Variants in NELL1 observed in about 807,000 individuals in gnomAD.
NELL1 encodes protein kinase C-binding protein NELL1.
NELL1 carries 76 observed loss-of-function variants against 107.4 expected under a neutral mutation model. The ratio of observed to expected loss-of-function variants is 0.71; its 90% CI spans 0.59 to 0.86. The LOEUF is 0.86. Ranked by LOEUF, NELL1 falls within the 40% of genes least tolerant of loss-of-function variation. The probability of loss-of-function intolerance (pLI) is 0.00; values close to 1 mark genes in which losing one functional copy is unlikely to be tolerated. For missense variants in NELL1, 1,024 were observed against 1,005.5 expected (o/e 1.02, Z -0.25); for synonymous variants, 353 against 341.2 (o/e 1.03, Z -0.38).
chr11:20,857,780 C>G (rs1177594484), intron 4 of NELL1, among the ~76,000 whole-genome samples: 1 of 152,188 alleles, frequency 6.6e-6, no homozygotes, highest in African/African-American at 2.4e-5. Flanking sequence ...TCAGCAGACA[C>G]AAGCCCTACG....
In NELL1 at chr11:20,669,652, G is replaced by A. The variant is rs1215550292; in HGVS notation, c.-72G>A. Reference sequence around the variant, plus strand: ...AGTTTGGCGGCTCCAAGCCAGGCGCGCCTCAGGATCCAGGCTCATTTGCTT... The same window carrying A: ...AGTTTGGCGGCTCCAAGCCAGGCGCACCTCAGGATCCAGGCTCATTTGCTT... On this transcript the variant is annotated 5_prime_UTR_variant, in exon 1 of 20. Transcript: ENST00000357134. This position sits in a 1 kb window ranked among gnomAD's most constrained non-coding sequence, Gnocchi z 4.4. The A allele has an allele frequency of 1.5e-6, 2 of 1,346,778 alleles. No homozygotes were observed. Among genetic ancestry groups the A allele is most frequent in the Non-Finnish European group, 2.1e-6 (2 of 944,556 alleles). The allele number at this position is 1,346,778 out of a possible 1,614,324, so 83.4% of individuals were successfully genotyped here. A position where few individuals can be genotyped will look rare whatever the true frequency, so the allele number is the denominator to read the frequency against.
intron 10 of NELL1, among the ~76,000 whole-genome samples, chr11:20,946,591 T>C (rs1850966511): frequency 6.6e-6 from 1 of 152,220 alleles, no homozygotes; most frequent in Non-Finnish European, 1.5e-5. Context: ...CATTCCTGCC[T>C]ACATGCCTTG....
chr11:21,281,125 G>T (rs2133947379), intron 14 of NELL1, among the ~76,000 whole-genome samples: 1 of 151,814 alleles, frequency 6.6e-6, no homozygotes, highest in East Asian at 2.0e-4. Context: ...AGTCACAGTA[G>T]GATAGGCACC....
chr11:21,026,332 A>C (rs1590555196), intron 12 of NELL1, among the ~76,000 whole-genome samples: 1 of 152,100 alleles, frequency 6.6e-6, no homozygotes. Flanking sequence ...CTCTGTGCTG[A>C]CCTGCCAACA....
intron 14 of NELL1, among the ~76,000 whole-genome samples, chr11:21,312,058 C>T (rs1849761373): frequency 6.6e-6 from 1 of 152,130 alleles, no homozygotes; most frequent in Non-Finnish European, 1.5e-5. Flanking sequence ...CCTTACCAGA[C>T]ACTGAATCTG....
intron 7 of NELL1, among the ~76,000 whole-genome samples, chr11:20,922,153 C>T (rs983510918): frequency 1.3e-5 from 2 of 152,162 alleles, no homozygotes; most frequent in African/African-American, 4.8e-5. Context: ...AGGTACCCAT[C>T]TTGGGAAGAT....
chr11:21,363,144 A>G (rs1851123641), intron 14 of NELL1, among the ~76,000 whole-genome samples: 1 of 152,076 alleles, frequency 6.6e-6, no homozygotes, highest in Non-Finnish European at 1.5e-5. Context: ...AACCACTGCC[A>G]ATTTCAGGTG....
intron 2 of NELL1, among the ~76,000 whole-genome samples, chr11:20,723,766 C>A (rs1398790179): frequency 6.6e-6 from 1 of 152,178 alleles, no homozygotes; most frequent in Non-Finnish European, 1.5e-5. Flanking sequence ...TTTCCTTCCA[C>A]ACTGGCCTAG....
intron 14 of NELL1, among the ~76,000 whole-genome samples, chr11:21,258,190 G>A (rs1297242247): frequency 6.6e-6 from 1 of 152,002 alleles, no homozygotes; most frequent in Admixed American, 6.6e-5. Flanking sequence ...ACTTGCTGAA[G>A]GCCAAGATTT....
At chr11:20,813,125 T>G (rs1008201816) in intron 3 of NELL1, among the ~76,000 whole-genome samples, 5 of 151,396 alleles carry the variant, frequency 3.3e-5, no homozygotes, top group Non-Finnish European at 5.9e-5. Context: ...ACAGAGCTTA[T>G]TTTTGAAGCT....
chr11:20,937,693 G>C (rs1488110064), intron 9 of NELL1, 93 bp from the exon 10 acceptor site: 1 of 864,514 alleles, frequency 1.2e-6, no homozygotes, highest in Non-Finnish European at 2.0e-6. Context: ...GAGAATCTAG[G>C]TTTCTGTGGA....
chr11:21,529,689 A>T (rs1855948292), intron 15 of NELL1, among the ~76,000 whole-genome samples: 1 of 152,168 alleles, frequency 6.6e-6, no homozygotes, highest in South Asian at 2.1e-4. Context: ...ATAATCTCTT[A>T]GTCCTAACCA....
At chr11:20,696,892 G>T (rs1206100506) in intron 2 of NELL1, among the ~76,000 whole-genome samples, 2 of 152,164 alleles carry the variant, frequency 1.3e-5, no homozygotes, top group African/African-American at 4.8e-5. Flanking sequence ...TAAAACAAAA[G>T]TGAGGTATGG....
At chr11:21,161,582 C>T (rs1856371224) in intron 13 of NELL1, among the ~76,000 whole-genome samples, 1 of 152,056 alleles carries the variant, frequency 6.6e-6, no homozygotes, top group South Asian at 2.1e-4. Flanking sequence ...CTTCTTTCCT[C>T]TGTCCCATCA....
intron 15 of NELL1, among the ~76,000 whole-genome samples, chr11:21,417,696 G>C (rs1852551545): frequency 6.6e-6 from 1 of 151,950 alleles, no homozygotes; most frequent in South Asian, 2.1e-4. Flanking sequence ...ATTGTCAAAA[G>C]CAACTTCCTT....
Position 21,124,038 on chromosome 11 carries a change from T to G in NELL1, c.1426+10324T>G, listed in dbSNP as rs141016571. 9.2e-3 allele frequency among the ~76,000 whole-genome samples: 1,392 copies of G among 152,118 alleles called. 20 individuals carry two copies. The highest frequency in any genetic ancestry group is 0.032 in the African/African-American group (1,321 of 41,510). ...CACATAGAAACACAGACAGGAAATA[T>G]CCTCACACTCCTTCCCAAATAAACA... is the stretch of plus-strand genomic sequence containing the variant. On this transcript the variant is annotated intron_variant, in intron 13 of 19. Coordinates refer to ENST00000357134, the MANE Select transcript of NELL1 (RefSeq NM_006157.5).
At chr11:21,508,664 C>T (rs12574253) in intron 15 of NELL1, among the ~76,000 whole-genome samples, 25,503 of 151,906 alleles carry the variant, frequency 0.17, 2,237 homozygotes, top group East Asian at 0.28. Context: ...TTGCTTTTAT[C>T]TAAGGAATTC....
chr11:20,706,333 C>T (rs1458968839), intron 2 of NELL1, among the ~76,000 whole-genome samples: 3 of 152,006 alleles, frequency 2.0e-5, no homozygotes, highest in African/African-American at 7.3e-5. Context: ...GAATACTATG[C>T]AGCCATAAAA....
At chr11:21,479,659 A>G (rs1393453415) in intron 15 of NELL1, among the ~76,000 whole-genome samples, 1 of 152,174 alleles carries the variant, frequency 6.6e-6, no homozygotes, top group Non-Finnish European at 1.5e-5. Flanking sequence ...AATTCACAGT[A>G]CATTTAAAAA....
Sources: gnomAD v4.1 joint callset for allele counts (sites outside exome capture counted in the v4.1 genomes callset) on GRCh38, gnomAD v4.1.1 for gene constraint, Gnocchi (gnomAD v3.1) non-coding constraint, MANE v1.5 for transcripts, NCBI Gene and HGNC (gene_info 2026-07-23, HGNC 2026-07-21) for gene names.